Variants in NTNG1 observed in about 807,000 individuals in gnomAD.
NTNG1 encodes netrin G1, also known as netrin-G1.
A neutral mutation model predicts 54.0 loss-of-function variants in NTNG1; 16 were observed. The observed-to-expected ratio is 0.30, with a 90% confidence interval of 0.20 to 0.45. The LOEUF (loss-of-function observed/expected upper bound fraction) is 0.45, where lower values mean the gene tolerates loss of function less well. Ranked by LOEUF, NTNG1 falls within the 20% of genes least tolerant of loss-of-function variation. NTNG1 has a pLI of 1.00. For synonymous variants in NTNG1, 255 were observed against 263.1 expected (o/e 0.97, Z 0.30); for missense variants, 530 against 678.7 (o/e 0.78, Z 2.43).
chr1:107,247,341 A>G (rs533663950), intron 2 of NTNG1, among the ~76,000 whole-genome samples: 81 of 152,314 alleles, frequency 5.3e-4, no homozygotes, highest in African/African-American at 1.7e-3. Context: ...AAGGAGAGAA[A>G]CAAGCTAAGA....
At chr1:107,262,731 C>G (rs1203749872) in intron 2 of NTNG1, among the ~76,000 whole-genome samples, 1 of 152,172 alleles carries the variant, frequency 6.6e-6, no homozygotes, top group East Asian at 1.9e-4. Context: ...GTGTATTTGT[C>G]TTCTGTTTAG....
chr1:107,171,248 ATTT>A (rs377434714), intron 2 of NTNG1, among the ~76,000 whole-genome samples: 86 of 151,924 alleles, frequency 5.7e-4, no homozygotes, highest in African/African-American at 1.9e-3. Context: ...ACACATCACA[ATTT>A]TTCACCCCCA....
intron 3 of NTNG1, among the ~76,000 whole-genome samples, chr1:107,384,443 C>CTA (rs1411615679): frequency 6.6e-6 from 1 of 152,148 alleles, no homozygotes; most frequent in Non-Finnish European, 1.5e-5. Context: ...TGCTCTCTCT[C>CTA]TCTCTATATA....
chr1:107,269,476 T>C (rs1026627072), intron 2 of NTNG1, among the ~76,000 whole-genome samples: 2 of 152,216 alleles, frequency 1.3e-5, no homozygotes, highest in African/African-American at 2.4e-5. Context: ...CAATGTTAGT[T>C]TGTTTGTTTG....
intron 2 of NTNG1, among the ~76,000 whole-genome samples, chr1:107,200,777 G>T (rs1383762898): frequency 6.6e-6 from 1 of 151,708 alleles, no homozygotes; most frequent in South Asian, 2.1e-4. Flanking sequence ...ACTCTCCATA[G>T]TGACTTTTTA....
chr1:107,355,086 G>A (rs912896127), intron 3 of NTNG1, among the ~76,000 whole-genome samples: 1 of 152,012 alleles, frequency 6.6e-6, no homozygotes, highest in Non-Finnish European at 1.5e-5. Flanking sequence ...TTTATTTCTA[G>A]AATTGTGTTT....
chr1:107,339,438 C>G (rs989101562), intron 3 of NTNG1, among the ~76,000 whole-genome samples: 3 of 151,992 alleles, frequency 2.0e-5, no homozygotes, highest in Admixed American at 2.0e-4. Flanking sequence ...ATAACATACA[C>G]TTAAATGAAA....
In NTNG1 at chr1:107,248,560, A is replaced by T. The variant is rs373080747; in HGVS notation, c.247-75722A>T. ...GTCCTCAGGTCTTCTGTGATTTAAG[A>T]CAAGCATTTTTCATTGCTTTTGGCC... On this transcript the variant is annotated intron_variant, in intron 2 of 7. Transcript: ENST00000370068. Among the ~76,000 whole-genome samples, 3 of 152,160 alleles carry T rather than the reference A, an allele frequency of 2.0e-5. No individual in the cohort carries two copies. The East Asian group carries it at 5.8e-4, about 29-fold the overall frequency.
chr1:107,185,907 T>A (rs971205548), intron 2 of NTNG1, among the ~76,000 whole-genome samples: 4 of 152,130 alleles, frequency 2.6e-5, no homozygotes, highest in Admixed American at 6.6e-5. Flanking sequence ...AGGGTAAAAG[T>A]GCAGTTTTGT....
chr1:107,445,307 G>A (rs550985602), intron 7 of NTNG1, among the ~76,000 whole-genome samples: 166 of 152,246 alleles, frequency 1.1e-3, no homozygotes, highest in African/African-American at 3.8e-3. Context: ...AAATCCTAGA[G>A]AGGGCTTGGA....
intron 3 of NTNG1, among the ~76,000 whole-genome samples, chr1:107,391,598 A>G (rs1481229522): frequency 6.6e-6 from 1 of 152,130 alleles, no homozygotes; most frequent in Non-Finnish European, 1.5e-5. Context: ...AAGAAGCGTG[A>G]TGCCTGCATC....
intron 3 of NTNG1, among the ~76,000 whole-genome samples, chr1:107,347,744 C>A (rs553330520): frequency 1.3e-5 from 2 of 152,194 alleles, no homozygotes; most frequent in African/African-American, 4.8e-5. Flanking sequence ...GCTGGGGAGG[C>A]CTCAGGACAC....
chr1:107,219,583 T>C (rs999788897), intron 2 of NTNG1, among the ~76,000 whole-genome samples: 1 of 152,180 alleles, frequency 6.6e-6, no homozygotes, highest in Non-Finnish European at 1.5e-5. Flanking sequence ...CTGTTGAGAT[T>C]CTTCTGTCTC....
intron 3 of NTNG1, among the ~76,000 whole-genome samples, chr1:107,325,522 A>C (rs987288157): frequency 6.6e-6 from 1 of 152,154 alleles, no homozygotes; most frequent in African/African-American, 2.4e-5. Context: ...GGCTCCCTTC[A>C]TCTTGTAGAT....
In NTNG1 at chr1:107,384,449, A is replaced by C. The variant is rs142376911; in HGVS notation, c.888-10705A>C. On this transcript the variant is annotated intron_variant, in intron 3 of 7. Coordinates refer to ENST00000370068, the MANE Select transcript of NTNG1 (RefSeq NM_001113226.3). Reference sequence around the variant, plus strand: ...CAAGCCAATTGCTCTCTCTCTCTCTATATATATGACCACAGCATCCCACTG... The same window carrying C: ...CAAGCCAATTGCTCTCTCTCTCTCTCTATATATGACCACAGCATCCCACTG... 3.1e-3 allele frequency among the ~76,000 whole-genome samples: 468 copies of C among 152,236 alleles called. 6 individuals carry two copies. Among genetic ancestry groups the C allele is most frequent in the Middle Eastern group, 3.4e-3 (1 of 294 alleles).
intron 2 of NTNG1, among the ~76,000 whole-genome samples, chr1:107,270,716 C>T (rs187220210): frequency 0.021 from 2,783 of 133,724 alleles, 72 homozygotes; most frequent in African/African-American, 0.07. Flanking sequence ...CCGCCCCCGC[C>T]CCCCCACCCC....
chr1:107,449,444 T>G (rs1347449811), intron 7 of NTNG1, among the ~76,000 whole-genome samples: 1 of 151,916 alleles, frequency 6.6e-6, no homozygotes, highest in Non-Finnish European at 1.5e-5. Context: ...TTCGGAGAGA[T>G]TTAATCCAGC....
intron 7 of NTNG1, among the ~76,000 whole-genome samples, chr1:107,476,435 C>A (rs996139000): frequency 6.6e-6 from 1 of 152,178 alleles, no homozygotes; most frequent in South Asian, 2.1e-4. Context: ...AGTTTTCCAA[C>A]TAATAACAAA....
intron 7 of NTNG1, among the ~76,000 whole-genome samples, chr1:107,453,007 G>A (rs1676714441): frequency 6.6e-6 from 1 of 152,088 alleles, no homozygotes; most frequent in Non-Finnish European, 1.5e-5. Context: ...GAGGCCCCCA[G>A]CATTGCTCAG....
Sources: gnomAD v4.1 joint callset for allele counts (sites outside exome capture counted in the v4.1 genomes callset) on GRCh38, gnomAD v4.1.1 for gene constraint, MANE v1.5 for transcripts, NCBI Gene and HGNC (gene_info 2026-07-23, HGNC 2026-07-21) for gene names.